MSH3: variants seen among roughly 807,000 people sequenced by gnomAD.
MSH3 encodes the protein DNA mismatch repair protein Msh3.
In MSH3, 106 loss-of-function variants were observed where a neutral mutation model predicts 123.3. That is an observed-to-expected ratio of 0.86 (90% confidence interval 0.73 to 1.01). The LOEUF is 1.01. Among genes scored for constraint, MSH3 ranks in the 50% least tolerant of loss-of-function variants. MSH3 has a pLI of 0.00. For missense variants in MSH3, 1,459 were observed against 1,347.6 expected (o/e 1.08, Z -1.29); for synonymous variants, 515 against 481.4 (o/e 1.07, Z -0.91).
chr5:80,761,535 T>A lies in MSH3; in HGVS notation c.1764-11T>A, dbSNP rs1360103544. 2 of 1,603,804 alleles carry A rather than the reference T, an allele frequency of 1.2e-6. No individual in the cohort carries two copies. The highest frequency in any genetic ancestry group is 3.3e-5 in the Admixed American group (2 of 59,992). ...ACATATCTGATTATTGCTATTACTC[T>A]TTTCTCACAGGGAAATAAATGCCCG... On this transcript the variant is annotated splice_polypyrimidine_tract_variant and intron_variant, in intron 12 of 23. Coordinates refer to ENST00000265081, the MANE Select transcript of MSH3 (RefSeq NM_002439.5).
intron 12 of MSH3, among the ~76,000 whole-genome samples, chr5:80,749,113 C>G (rs1743779788): frequency 6.6e-6 from 1 of 151,914 alleles, no homozygotes; most frequent in African/African-American, 2.4e-5. Context: ...AGGGAGAGAA[C>G]TAATAGGATA....
intron 18 of MSH3, among the ~76,000 whole-genome samples, chr5:80,788,156 G>A (rs2009235281): frequency 6.6e-6 from 1 of 152,134 alleles, no homozygotes; most frequent in Admixed American, 6.6e-5. Flanking sequence ...AATTCAGATG[G>A]CTGGGCGCAT....
intron 8 of MSH3, among the ~76,000 whole-genome samples, chr5:80,704,813 G>C (rs1481161947): frequency 6.6e-6 from 1 of 152,126 alleles, no homozygotes; most frequent in Non-Finnish European, 1.5e-5. Flanking sequence ...CATACCTGAG[G>C]CCAGGAGCAT....
intron 8 of MSH3, among the ~76,000 whole-genome samples, chr5:80,700,575 T>A (rs1750584331): frequency 6.6e-6 from 1 of 152,186 alleles, no homozygotes; most frequent in Admixed American, 6.5e-5. Flanking sequence ...GTTTTTTTTT[T>A]AGTCCTGATA....
In MSH3 at chr5:80,871,511, G is replaced by A. The variant is rs978461746; in HGVS notation, c.3131-1605G>A. The stretch of plus-strand genomic sequence containing the variant: ...GCAGCAGCCATGTCAAGGCTTCCCA[G>A]CCCACACATGGCTCTTGCCAAGCCT... On this transcript the variant is annotated intron_variant, in intron 22 of 23. Transcript: ENST00000265081. Among the ~76,000 whole-genome samples the A allele has an allele frequency of 2.0e-5, 3 of 152,164 alleles. No homozygotes were observed. The South Asian group carries it at 6.2e-4, about 32-fold the overall frequency.
At position 80,675,462 on chromosome 5, in the gene MSH3, G is replaced by A. The variant is rs575080965; in HGVS notation, c.1173+334G>A. ...GCCTCAGGAAACTTACAATCATGGC[G>A]AAAGGCGAAGGGGAAGCAGTGACAT... On this transcript the variant is annotated intron_variant, in intron 7 of 23. Coordinates refer to ENST00000265081, the MANE Select transcript of MSH3 (RefSeq NM_002439.5). 1.4e-4 allele frequency among the ~76,000 whole-genome samples: 22 copies of A among 152,224 alleles called. No homozygotes were observed. The South Asian group carries it at 1.5e-3, about 10-fold the overall frequency.
chr5:80,850,977 T>C (rs1311795314), intron 20 of MSH3, among the ~76,000 whole-genome samples: 1 of 152,186 alleles, frequency 6.6e-6, no homozygotes, highest in African/African-American at 2.4e-5. Context: ...CCACTGAAGT[T>C]AAAAAATTTC....
chr5:80,850,887 A>G (rs1745819643), intron 20 of MSH3, among the ~76,000 whole-genome samples: 1 of 152,062 alleles, frequency 6.6e-6, no homozygotes, highest in African/African-American at 2.4e-5. Flanking sequence ...CATATATCTG[A>G]CTGGAACATT....
At chr5:80,715,762 A>G (rs1750947461) in intron 8 of MSH3, among the ~76,000 whole-genome samples, 2 of 152,072 alleles carry the variant, frequency 1.3e-5, no homozygotes, top group African/African-American at 4.8e-5. Flanking sequence ...GAGGTGCCAT[A>G]CACTTTCAAA....
In MSH3 at chr5:80,675,228, T is replaced by C; in HGVS notation, c.1173+100T>C. ...TATAATAAGGATATCTGATGAAGTG[T>C]ACCTTCAGATAATTATACAAGAAAA... On this transcript the variant is annotated intron_variant, in intron 7 of 23. Coordinates refer to ENST00000265081, the MANE Select transcript of MSH3 (RefSeq NM_002439.5). 4 of 1,244,740 alleles carry C rather than the reference T, an allele frequency of 3.2e-6. No individual in the cohort carries two copies. The South Asian group carries it at 3.8e-5, about 12-fold the overall frequency. The allele number at this position is 1,244,740 out of a possible 1,614,324, so 77.1% of individuals were successfully genotyped here.
chr5:80,849,589 C>T (rs1189723760), intron 20 of MSH3, among the ~76,000 whole-genome samples: 1 of 152,198 alleles, frequency 6.6e-6, no homozygotes, highest in Non-Finnish European at 1.5e-5. Context: ...GCTGCCAAGG[C>T]TTGGGGCTTG....
chr5:80,745,958 GTTTTC>G (rs1261305136), intron 12 of MSH3, among the ~76,000 whole-genome samples: 1 of 151,446 alleles, frequency 6.6e-6, no homozygotes, highest in Non-Finnish European at 1.5e-5. Flanking sequence ...TTTTGCTGTT[GTTTTC>G]TTCTTTTTCT....
intron 8 of MSH3, among the ~76,000 whole-genome samples, chr5:80,687,312 A>G (rs558620732): frequency 1.3e-5 from 2 of 152,340 alleles, no homozygotes; most frequent in South Asian, 4.1e-4. Context: ...ATTGCAGTTA[A>G]GGTTGCTTTA....
intron 20 of MSH3, among the ~76,000 whole-genome samples, chr5:80,815,281 G>A (rs956152807): frequency 4.0e-5 from 6 of 151,156 alleles, no homozygotes; most frequent in African/African-American, 1.5e-4. Context: ...TAGTTCTTAA[G>A]ACTTAATTGA....
rs1580552250 is a variant in MSH3, at chr5:80,672,783, A to G, written c.952A>G (p.Ile318Val). The change falls in exon 6 of 24, where the codon ATT becomes GTT. Residue 318 changes from isoleucine (I) to valine (V), a missense_variant. Transcript: ENST00000265081. ...AACTGAAACTGCAGCATTAAAGGCC[A>G]TTGGAGACAACAGAAGTTCACTCTT... The part of the protein sequence containing the change: ...KQTETAALKA[I>V]GDNRSSLFSR... 6.2e-7 allele frequency: 1 copy of G among 1,614,162 alleles called. No individual in the cohort carries two copies. Among genetic ancestry groups the G allele is most frequent in the Non-Finnish European group, 8.5e-7 (1 of 1,180,002 alleles).
At chr5:80,782,251 CTTGATA>C in intron 17 of MSH3, among the ~76,000 whole-genome samples, 1 of 152,170 alleles carries the variant, frequency 6.6e-6, no homozygotes, top group South Asian at 2.1e-4. Context: ...GCAGTTGGCT[CTTGATA>C]TCTGTGGGTT....
chr5:80,675,828 C>G (rs6151655), intron 7 of MSH3, among the ~76,000 whole-genome samples: 11,476 of 151,914 alleles, frequency 0.076, 493 homozygotes, highest in Non-Finnish European at 0.092. Flanking sequence ...TAAGCCAACA[C>G]AAGCATGGTG....
intron 8 of MSH3, among the ~76,000 whole-genome samples, chr5:80,723,821 G>C (rs1471105180): frequency 6.6e-6 from 1 of 151,986 alleles, no homozygotes; most frequent in Non-Finnish European, 1.5e-5. Context: ...GGAGTGCAGT[G>C]GTGTGATCAC....
chr5:80,796,299 A>G (rs1744697840), intron 19 of MSH3, among the ~76,000 whole-genome samples: 1 of 152,184 alleles, frequency 6.6e-6, no homozygotes, highest in Admixed American at 6.5e-5. Context: ...GTCTAATTAC[A>G]ATAATGTTTT....
Sources: gnomAD v4.1 joint callset for allele counts (sites outside exome capture counted in the v4.1 genomes callset) on GRCh38, gnomAD v4.1.1 for gene constraint, MANE v1.5 for transcripts, NCBI Gene and HGNC (gene_info 2026-07-23, HGNC 2026-07-21) for gene names.